The following SNX14 variants were observed in gnomAD, a reference collection of about 807,000 sequenced individuals.
SNX14 encodes the protein sorting nexin-14.
A neutral mutation model predicts 133.8 loss-of-function variants in SNX14; 93 were observed. The observed-to-expected ratio is 0.70, with a 90% CI of 0.59 to 0.83. SNX14 has a LOEUF of 0.83. Among genes scored for constraint, SNX14 ranks in the 40% least tolerant of loss-of-function variants. The probability of loss-of-function intolerance (pLI) is 0.00; values close to 1 mark genes in which losing one functional copy is unlikely to be tolerated. For missense variants in SNX14, 945 were observed against 1,094.9 expected (o/e 0.86, Z 1.93); for synonymous variants, 368 against 365.6 (o/e 1.01, Z -0.07).
At chr6:85,531,564 T>C (rs768837763) in intron 18 of SNX14, among the ~76,000 whole-genome samples, 1 of 152,204 alleles carries the variant, frequency 6.6e-6, no homozygotes, top group African/African-American at 2.4e-5. Context: ...AAAAGATCCA[T>C]AGCATATTTA....
At chr6:85,563,636 G>A (rs897079169) in intron 6 of SNX14, among the ~76,000 whole-genome samples, 1 of 152,000 alleles carries the variant, frequency 6.6e-6, no homozygotes, top group Non-Finnish European at 1.5e-5. Flanking sequence ...CGAGTGGTCC[G>A]CCCACCTAGG....
chr6:85,546,982 A>G, intron 12 of SNX14, 130 bp downstream of exon 12: 1 of 681,560 alleles, frequency 1.5e-6, no homozygotes, highest in East Asian at 2.9e-5. Context: ...AAAAAAAAAA[A>G]AAGGAAATCG....
intron 6 of SNX14, among the ~76,000 whole-genome samples, chr6:85,560,981 C>A (rs1296301651): frequency 2.0e-5 from 3 of 149,426 alleles, no homozygotes; most frequent in Admixed American, 6.7e-5. Flanking sequence ...TTGCAGTGAG[C>A]CGAGATGGCA....
chr6:85,549,684 G>A (rs934615180), intron 8 of SNX14, 39 bp downstream of exon 8: 3 of 1,555,042 alleles, frequency 1.9e-6, no homozygotes, highest in African/African-American at 2.8e-5. Context: ...CATATGGCAT[G>A]TTATGCAAAT....
At chr6:85,572,877 T>G (rs1583036872) in intron 2 of SNX14, among the ~76,000 whole-genome samples, 2 of 152,288 alleles carry the variant, frequency 1.3e-5, no homozygotes, top group Admixed American at 1.3e-4. Flanking sequence ...GAGGATCACC[T>G]GAGCTCAGGA....
chr6:85,540,213 C>T (rs1047638142), intron 15 of SNX14, among the ~76,000 whole-genome samples: 2 of 152,278 alleles, frequency 1.3e-5, no homozygotes, highest in African/African-American at 2.4e-5. Flanking sequence ...CTGCCTGCCT[C>T]GGCCTCCCAA....
chr6:85,589,981 G>A (rs115944488), intron 1 of SNX14, among the ~76,000 whole-genome samples: 1,593 of 152,258 alleles, frequency 0.01, 25 homozygotes, highest in African/African-American at 0.036. Context: ...CATTATGTCT[G>A]GGGACAAGTA....
At chr6:85,575,152 G>A (rs1418747284) in intron 1 of SNX14, among the ~76,000 whole-genome samples, 2 of 152,278 alleles carry the variant, frequency 1.3e-5, no homozygotes, top group Middle Eastern at 3.4e-3. Context: ...AGCAAAAGCA[G>A]AAGCCAAATA....
intron 27 of SNX14, 33 bp from the exon 28 acceptor site, chr6:85,507,322 T>C (rs1277103879): frequency 3.2e-6 from 5 of 1,547,178 alleles, no homozygotes; most frequent in Non-Finnish European, 3.5e-6. Flanking sequence ...TAATAAATGT[T>C]AAGGCACTAA....
chr6:85,527,184 T>C (rs1418369637), intron 20 of SNX14, among the ~76,000 whole-genome samples: 2 of 152,198 alleles, frequency 1.3e-5, no homozygotes, highest in East Asian at 3.8e-4. Flanking sequence ...CATTAAAAAT[T>C]TAATTTAAAT....
intron 6 of SNX14, among the ~76,000 whole-genome samples, chr6:85,562,569 C>T (rs1215989804): frequency 1.4e-5 from 2 of 139,830 alleles, no homozygotes; most frequent in Non-Finnish European, 3.1e-5. Context: ...AATCTTTGAA[C>T]ATACTTTTTG....
At position 85,546,852 on chromosome 6, in the gene SNX14, T is replaced by C; in HGVS notation, c.1108+260A>G. Among the ~76,000 whole-genome samples the C allele has an allele frequency of 6.6e-6, 1 of 151,670 alleles. No individual in the cohort carries two copies. ...GGCACATGCCTGTAATCCCAGCTAC[T>C]TGGGAGACTGAGGCAGGAGAATCGC... is the stretch of plus-strand genomic sequence containing the variant. On this transcript the variant is annotated intron_variant, in intron 12 of 28. Transcript: ENST00000314673.
chr6:85,591,840 G>T (rs1040772585), intron 1 of SNX14, among the ~76,000 whole-genome samples: 3 of 152,000 alleles, frequency 2.0e-5, no homozygotes, highest in African/African-American at 7.2e-5. Flanking sequence ...TGAAACCCCC[G>T]TCTCTATTAA....
intron 21 of SNX14, among the ~76,000 whole-genome samples, chr6:85,524,378 T>G (rs548859950): frequency 6.6e-6 from 1 of 152,026 alleles, no homozygotes; most frequent in African/African-American, 2.4e-5. Context: ...ACTGAAACAG[T>G]TAAGAGAATA....
At chr6:85,566,622 T>C (rs1793928586) in intron 5 of SNX14, among the ~76,000 whole-genome samples, 1 of 151,664 alleles carries the variant, frequency 6.6e-6, no homozygotes, top group Non-Finnish European at 1.5e-5. Context: ...TGCTTGAACC[T>C]GGGAGGTGGA....
At chr6:85,516,392 G>A (rs1775003755) in intron 23 of SNX14, among the ~76,000 whole-genome samples, 1 of 152,012 alleles carries the variant, frequency 6.6e-6, no homozygotes, top group South Asian at 2.1e-4. Flanking sequence ...GACTCATGAA[G>A]TAATAAACCT....
At chr6:85,564,038 C>T (rs943178075) in intron 6 of SNX14, among the ~76,000 whole-genome samples, 7 of 152,142 alleles carry the variant, frequency 4.6e-5, no homozygotes, top group South Asian at 2.1e-4. Context: ...TATCTGTCCT[C>T]ATGATAGTTT....
chr6:85,527,902 C>T (rs182181068), intron 20 of SNX14, among the ~76,000 whole-genome samples: 3 of 152,066 alleles, frequency 2.0e-5, no homozygotes, highest in Non-Finnish European at 4.4e-5. Flanking sequence ...AAACAGAAAA[C>T]AGAACAAACA....
At chr6:85,529,983 C>T (rs1031475956) in intron 19 of SNX14, among the ~76,000 whole-genome samples, 4 of 151,760 alleles carry the variant, frequency 2.6e-5, no homozygotes, top group Non-Finnish European at 2.9e-5. Context: ...TTAAAAAAAG[C>T]ATAAATGTAC....
Sources: gnomAD v4.1 joint callset for allele counts (sites outside exome capture counted in the v4.1 genomes callset) on GRCh38, gnomAD v4.1.1 for gene constraint, MANE v1.5 for transcripts, NCBI Gene and HGNC (gene_info 2026-07-23, HGNC 2026-07-21) for gene names.